The following IL1RAPL1 variants were observed in gnomAD, a reference collection of about 807,000 sequenced individuals.
The protein encoded by IL1RAPL1 is interleukin 1 receptor accessory protein like 1.
A neutral mutation model predicts 48.4 loss-of-function variants in IL1RAPL1; 3 were observed. The ratio of observed to expected loss-of-function variants is 0.06; its 90% CI spans 0.03 to 0.16. IL1RAPL1 has a LOEUF of 0.16. IL1RAPL1 is among the 10% of genes least tolerant of loss of function. The pLI is 1.00. For synonymous variants in IL1RAPL1, 185 were observed against 187.7 expected, an observed-to-expected ratio of 0.99 and a Z score of 0.12; for missense variants, 349 against 530.6, an observed-to-expected ratio of 0.66 and a Z score of 3.36.
Position 29,676,054 on chromosome X carries a change from A to G in IL1RAPL1, c.778+7550A>G, listed in dbSNP as rs749372800. Among the ~76,000 whole-genome samples the G allele has an allele frequency of 2.9e-3, 324 of 111,789 alleles. 1 individual carries two copies. Among genetic ancestry groups the G allele is most frequent in the African/African-American group, 1.0e-2 (307 of 30,796 alleles). ...TTATAATTAAGAGGCAGTGTACAGT[A>G]GTGGCTCCCAGTTGAAATCTCACAC... On this transcript the variant is annotated intron_variant, in intron 6 of 10. Transcript: ENST00000378993.
At chrX:29,641,179 CA>C (rs2147085390) in intron 5 of IL1RAPL1, among the ~76,000 whole-genome samples, 1 of 75,689 alleles carries the variant, frequency 1.3e-5, no homozygotes, top group African/African-American at 1.5e-4. Flanking sequence ...TCAAAATAAA[CA>C]AACAAACAAA....
chrX:28,643,343 C>T (rs1249679165), intron 1 of IL1RAPL1, among the ~76,000 whole-genome samples: 2 of 111,037 alleles, frequency 1.8e-5, no homozygotes, highest in Admixed American at 1.9e-4. Flanking sequence ...TGATTTTTTT[C>T]CCCAGAGTGA....
At chrX:29,604,541 C>T (rs750639379) in intron 5 of IL1RAPL1, among the ~76,000 whole-genome samples, 12 of 111,221 alleles carry the variant, frequency 1.1e-4, no homozygotes, top group African/African-American at 2.9e-4. Context: ...CTGGTTCAAG[C>T]GATTTGCCTG....
chrX:29,439,990 C>CGTGT (rs60967823), intron 5 of IL1RAPL1, among the ~76,000 whole-genome samples: 23 of 96,772 alleles, frequency 2.4e-4, no homozygotes, highest in African/African-American at 7.1e-4. Flanking sequence ...CAATTTGACA[C>CGTGT]GTGTGTGTGT....
At chrX:28,870,785 C>T (rs1327969929) in intron 2 of IL1RAPL1, among the ~76,000 whole-genome samples, 1 of 111,033 alleles carries the variant, frequency 9.0e-6, no homozygotes, top group Non-Finnish European at 1.9e-5. Context: ...AACTAAATGC[C>T]TTTTTGATAT....
At chrX:29,452,533 A>G (rs1261815435) in intron 5 of IL1RAPL1, among the ~76,000 whole-genome samples, 2 of 111,969 alleles carry the variant, frequency 1.8e-5, no homozygotes, top group Non-Finnish European at 3.8e-5. Context: ...AGCAATACAG[A>G]AAATGATATG....
intron 3 of IL1RAPL1, among the ~76,000 whole-genome samples, chrX:29,368,590 C>CTTTTTTTTTTT (rs894805840): frequency 4.8e-4 from 42 of 87,661 alleles, no homozygotes; most frequent in African/African-American, 8.9e-4. Context: ...CTTTTTCTTT[C>CTTTTTTTTTTT]TTTTTTTTTT....
At chrX:29,272,652 G>A (rs1416645524) in intron 2 of IL1RAPL1, among the ~76,000 whole-genome samples, 1 of 111,134 alleles carries the variant, frequency 9.0e-6, no homozygotes, top group Non-Finnish European at 1.9e-5. Flanking sequence ...GTTTTGTACA[G>A]TATTGTTGCA....
At chrX:29,183,188 G>A (rs1468699158) in intron 2 of IL1RAPL1, among the ~76,000 whole-genome samples, 4 of 111,305 alleles carry the variant, frequency 3.6e-5, no homozygotes, top group Non-Finnish European at 5.7e-5. Context: ...TGAATGTGAC[G>A]TCAAAAAAAG....
At chrX:29,908,101 C>A (rs12858515) in intron 6 of IL1RAPL1, among the ~76,000 whole-genome samples, 7,511 of 110,236 alleles carry the variant, frequency 0.068, 263 homozygotes, top group Admixed American at 0.17. Context: ...TTAAAAAAAA[C>A]CCCTCAAATT....
intron 5 of IL1RAPL1, among the ~76,000 whole-genome samples, chrX:29,522,752 C>G (rs1044916375): frequency 8.9e-6 from 1 of 111,975 alleles, no homozygotes; most frequent in Non-Finnish European, 1.9e-5. Context: ...TATTTCTTAT[C>G]GTCTATTTTC....
chrX:29,496,454 C>T (rs1272878807), intron 5 of IL1RAPL1, among the ~76,000 whole-genome samples: 1 of 99,622 alleles, frequency 1.0e-5, no homozygotes, highest in African/African-American at 3.7e-5. Flanking sequence ...TCTCCCTCCA[C>T]ACTCTTTCTT....
At chrX:29,178,025 G>T (rs1930062665) in intron 2 of IL1RAPL1, among the ~76,000 whole-genome samples, 1 of 111,597 alleles carries the variant, frequency 9.0e-6, no homozygotes, top group Non-Finnish European at 1.9e-5. Context: ...CCAAGTCTTT[G>T]CTATTGTGAA....
At chrX:28,929,808 G>T (rs1289595625) in intron 2 of IL1RAPL1, among the ~76,000 whole-genome samples, 1 of 112,286 alleles carries the variant, frequency 8.9e-6, no homozygotes, top group Non-Finnish European at 1.9e-5. Flanking sequence ...TGTTATTACT[G>T]TGTTTTTGTA....
intron 1 of IL1RAPL1, among the ~76,000 whole-genome samples, chrX:28,694,499 A>G (rs1022163302): frequency 8.9e-6 from 1 of 112,282 alleles, no homozygotes; most frequent in Non-Finnish European, 1.9e-5. Flanking sequence ...ACACATAGGC[A>G]GTGTGAACTG....
At chrX:29,180,662 C>T (rs1009934336) in intron 2 of IL1RAPL1, among the ~76,000 whole-genome samples, 6 of 111,244 alleles carry the variant, frequency 5.4e-5, no homozygotes, top group African/African-American at 2.0e-4. Context: ...CAGATGTGAG[C>T]CACCACATCT....
chrX:29,640,427 C>T (rs1029453223), intron 5 of IL1RAPL1, among the ~76,000 whole-genome samples: 1 of 112,217 alleles, frequency 8.9e-6, no homozygotes, highest in Non-Finnish European at 1.9e-5. Context: ...CTGATGTCAT[C>T]CCTGCATCCC....
chrX:28,955,026 G>T (rs183019242), intron 2 of IL1RAPL1, among the ~76,000 whole-genome samples: 1 of 111,977 alleles, frequency 8.9e-6, no homozygotes, highest in Non-Finnish European at 1.9e-5. Flanking sequence ...TATTCATGAT[G>T]TGAAAGATAT....
chrX:29,402,269 G>GT (rs1332133243), intron 5 of IL1RAPL1, among the ~76,000 whole-genome samples: 3 of 111,022 alleles, frequency 2.7e-5, no homozygotes, highest in Non-Finnish European at 5.7e-5. Context: ...CCTCTGGAAG[G>GT]TTTTTTATCT....
Sources: gnomAD v4.1 joint callset for allele counts (sites outside exome capture counted in the v4.1 genomes callset) on GRCh38, gnomAD v4.1.1 for gene constraint, MANE v1.5 for transcripts, NCBI Gene and HGNC (gene_info 2026-07-23, HGNC 2026-07-21) for gene names.